Variants in TUSC3 observed in about 807,000 individuals in gnomAD.
TUSC3 encodes the protein tumor suppressor candidate 3, also known as dolichyl-diphosphooligosaccharide--protein glycosyltransferase subunit TUSC3.
TUSC3 carries 45 observed loss-of-function variants against 44.8 expected under a neutral mutation model. The ratio of observed to expected loss-of-function variants is 1.00; its 90% CI spans 0.79 to 1.29. The LOEUF is 1.29. Among genes scored for constraint, TUSC3 ranks in the 50% most tolerant of loss-of-function variants. TUSC3 has a pLI of 0.00. For synonymous variants in TUSC3, 212 were observed against 152.9 expected, an observed-to-expected ratio of 1.39 and a Z score of -2.85; for missense variants, 519 against 437.9, an observed-to-expected ratio of 1.19 and a Z score of -1.65.
the TUSC3 span, among the ~76,000 whole-genome samples, chr8:15,778,048 G>A: frequency 6.7e-6 from 1 of 149,714 alleles, no homozygotes; most frequent in African/African-American, 2.5e-5. Context: ...TTCAATCAGA[G>A]ACTCTGCCTT....
the TUSC3 span, among the ~76,000 whole-genome samples, chr8:15,783,341 A>G: frequency 2.6e-5 from 4 of 152,202 alleles, no homozygotes; most frequent in African/African-American, 9.6e-5. Flanking sequence ...TCAAAATTCC[A>G]GTGTCATTTT....
At chr8:15,455,762 T>C (rs1042485475) in intron 1 of TUSC3, among the ~76,000 whole-genome samples, 1 of 152,144 alleles carries the variant, frequency 6.6e-6, no homozygotes, top group Non-Finnish European at 1.5e-5. Flanking sequence ...TTCCTGGCCT[T>C]AGGCCAAGGT....
At chr8:15,621,397 A>C (rs1362646801) in intron 1 of TUSC3, among the ~76,000 whole-genome samples, 1 of 150,816 alleles carries the variant, frequency 6.6e-6, no homozygotes, top group Admixed American at 6.6e-5. Flanking sequence ...AAGTCCTTCT[A>C]TGTCACTTTC....
At chr8:15,622,390 C>T (rs1271986601) in intron 1 of TUSC3, among the ~76,000 whole-genome samples, 2 of 151,906 alleles carry the variant, frequency 1.3e-5, no homozygotes, top group Non-Finnish European at 2.9e-5. Context: ...ACCTTGGTCT[C>T]CCAAAGTGCT....
chr8:15,630,995 A>T (rs1175377151), intron 2 of TUSC3, among the ~76,000 whole-genome samples: 1 of 152,186 alleles, frequency 6.6e-6, no homozygotes, highest in Non-Finnish European at 1.5e-5. Context: ...TACAACCCTT[A>T]TCATTTCCTC....
At chr8:15,817,385 G>C in the TUSC3 span, among the ~76,000 whole-genome samples, 1 of 150,928 alleles carries the variant, frequency 6.6e-6, no homozygotes, top group Non-Finnish European at 1.5e-5. Flanking sequence ...CATGCTCAAA[G>C]GGTAACTATG....
intron 8 of TUSC3, among the ~76,000 whole-genome samples, chr8:15,745,381 G>T (rs969851101): frequency 1.3e-5 from 2 of 151,924 alleles, no homozygotes; most frequent in Admixed American, 6.6e-5. Context: ...GAGAAATCTC[G>T]AAACTGTTTT....
chr8:15,497,397 G>A lies in TUSC3; in HGVS notation n.189+13914G>A, dbSNP rs570118385. Among the ~76,000 whole-genome samples the A allele has an allele frequency of 6.6e-5, 10 of 152,308 alleles. No individual in the cohort carries two copies. The South Asian group carries it at 8.3e-4, about 13-fold the overall frequency. ...AGTAAGCCTGCCTCGCTCTTGCCCT[G>A]AAGGAGACACTATCCAAGGATGTTT... On this transcript the variant is annotated intron_variant and non_coding_transcript_variant, in intron 2 of 5. Transcript: ENST00000503191.
the TUSC3 span, among the ~76,000 whole-genome samples, chr8:15,782,685 A>T: frequency 7.2e-5 from 11 of 152,298 alleles, no homozygotes; most frequent in African/African-American, 2.6e-4. Context: ...AGAATTCAAC[A>T]TCCTGTCATG....
chr8:15,564,578 T>G (rs1481200877), intron 1 of TUSC3, among the ~76,000 whole-genome samples: 1 of 152,114 alleles, frequency 6.6e-6, no homozygotes, highest in African/African-American at 2.4e-5. Flanking sequence ...CATTCTTTTA[T>G]TAGATTTTAT....
intron 2 of TUSC3, among the ~76,000 whole-genome samples, chr8:15,523,209 A>T (rs1212771057): frequency 6.6e-6 from 1 of 152,126 alleles, no homozygotes; most frequent in Non-Finnish European, 1.5e-5. Flanking sequence ...AGTGAGTGAG[A>T]TCGTCTGAGT....
At chr8:15,526,512 A>G (rs1197275672) in intron 2 of TUSC3, among the ~76,000 whole-genome samples, 1 of 152,140 alleles carries the variant, frequency 6.6e-6, no homozygotes, top group Non-Finnish European at 1.5e-5. Context: ...TGGTGGGGGC[A>G]GGTTTCCCCC....
chr8:15,576,398 G>A (rs1324358110), intron 1 of TUSC3, among the ~76,000 whole-genome samples: 1 of 147,630 alleles, frequency 6.8e-6, no homozygotes, highest in African/African-American at 2.5e-5. Context: ...CCATGCTGGT[G>A]CGCTGCACCC....
intron 1 of TUSC3, among the ~76,000 whole-genome samples, chr8:15,436,674 T>G (rs1799949347): frequency 1.3e-5 from 2 of 151,012 alleles, no homozygotes; most frequent in Admixed American, 6.6e-5. Context: ...AGTAATTACC[T>G]GCAAAAAACC....
At chr8:15,438,966 T>C (rs73189494) in intron 1 of TUSC3, among the ~76,000 whole-genome samples, 24,708 of 152,152 alleles carry the variant, frequency 0.16, 2,084 homozygotes, top group Middle Eastern at 0.23. Flanking sequence ...CACAGTGCAG[T>C]AGCCAATTGC....
the TUSC3 span, among the ~76,000 whole-genome samples, chr8:15,789,007 T>C: frequency 6.6e-6 from 1 of 152,184 alleles, no homozygotes; most frequent in Non-Finnish European, 1.5e-5. Context: ...CCAGCAATTC[T>C]TACCCTCAGG....
At chr8:15,562,826 C>A (rs967113592) in intron 1 of TUSC3, among the ~76,000 whole-genome samples, 1 of 152,108 alleles carries the variant, frequency 6.6e-6, no homozygotes, top group Non-Finnish European at 1.5e-5. Context: ...ACTTTTGTGA[C>A]ACTTCTTTTA....
chr8:15,690,455 G>T (rs1022839307), intron 6 of TUSC3, among the ~76,000 whole-genome samples: 1 of 151,862 alleles, frequency 6.6e-6, no homozygotes, highest in East Asian at 1.9e-4. Context: ...TAGGTTGTCT[G>T]TTTATGCTGT....
intron 2 of TUSC3, among the ~76,000 whole-genome samples, chr8:15,515,642 A>G (rs116387087): frequency 0.033 from 5,026 of 152,060 alleles, 250 homozygotes; most frequent in African/African-American, 0.11. Context: ...AGTATATTAT[A>G]TGATACAAAA....
Sources: allele counts gnomAD v4.1 joint callset (sites outside exome capture counted in the v4.1 genomes callset), GRCh38; gene constraint gnomAD v4.1.1; transcripts MANE v1.5; gene names NCBI Gene and HGNC (gene_info 2026-07-23, HGNC 2026-07-21).